The following BICD1 variants were observed in gnomAD, a reference collection of about 807,000 sequenced individuals.
BICD1 encodes protein bicaudal D homolog 1.
Under a neutral mutation model 92.5 loss-of-function variants are expected in BICD1, and 35 were observed. That is an observed-to-expected ratio of 0.38 (90% CI 0.29 to 0.50). BICD1 has a LOEUF of 0.50. BICD1 is among the 20% of genes least tolerant of loss of function. BICD1 has a pLI of 0.93. For missense variants in BICD1, 950 were observed against 1,189.8 expected, an observed-to-expected ratio of 0.80 and a Z score of 2.97; for synonymous variants, 429 against 465.1, an observed-to-expected ratio of 0.92 and a Z score of 1.00.
chr12:32,149,445 AT>A lies in BICD1; in HGVS notation c.213+41908del, dbSNP rs1592377611. ...TTCATATACATTATGGGGAAACCAT[AT>A]TTTTTTGAAGTCAAGAAATGTATAT... On this transcript the variant is annotated intron_variant, in intron 1 of 9. Transcript: ENST00000652176. 2.0e-5 allele frequency among the ~76,000 whole-genome samples: 3 copies of A among 152,230 alleles called. No homozygotes were observed. The East Asian group carries it at 5.8e-4, about 29-fold the overall frequency.
chr12:32,139,961 A>C (rs530991742), intron 1 of BICD1, among the ~76,000 whole-genome samples: 1 of 152,340 alleles, frequency 6.6e-6, no homozygotes, highest in East Asian at 1.9e-4. Flanking sequence ...GAGAAGCAGC[A>C]GAACCATCTG....
intron 1 of BICD1, among the ~76,000 whole-genome samples, chr12:32,194,667 AGGTTG>A (rs2121532616): frequency 6.6e-6 from 1 of 152,268 alleles, no homozygotes; most frequent in South Asian, 2.1e-4. Context: ...GGATCACATG[AGGTTG>A]GGATTTTGAG....
intron 1 of BICD1, among the ~76,000 whole-genome samples, chr12:32,147,123 A>G (rs1487329077): frequency 6.6e-6 from 1 of 151,900 alleles, no homozygotes; most frequent in Non-Finnish European, 1.5e-5. Context: ...TAATTTTTGT[A>G]GACATGGGAC....
In BICD1 at chr12:32,344,773, G is replaced by A. The variant is rs118141779; in HGVS notation, c.2764+5794G>A. Among the ~76,000 whole-genome samples the A allele has an allele frequency of 7.4e-3, 1,129 of 152,142 alleles. 15 individuals carry two copies. Among genetic ancestry groups the A allele is most frequent in the Admixed American group, 0.011 (174 of 15,274 alleles). On this transcript the variant is annotated intron_variant, in intron 8 of 9. Coordinates refer to ENST00000652176, the MANE Select transcript of BICD1 (RefSeq NM_001714.4). ...ATAATTTATATTTTTTCCTATAGAG[G>A]CTTTTCTATTTATGTGTATTCCACT...
At chr12:32,308,665 A>T (rs1948295457) in intron 4 of BICD1, among the ~76,000 whole-genome samples, 1 of 152,210 alleles carries the variant, frequency 6.6e-6, no homozygotes, top group Non-Finnish European at 1.5e-5. Context: ...TGGTAGGAAT[A>T]TAGAAAAATA....
intron 1 of BICD1, among the ~76,000 whole-genome samples, chr12:32,213,521 G>T (rs555961397): frequency 6.6e-6 from 1 of 152,020 alleles, no homozygotes; most frequent in South Asian, 2.1e-4. Flanking sequence ...TCAGCCTCCC[G>T]TGTAGCTGGG....
At position 32,234,606 on chromosome 12, in the gene BICD1, A is replaced by AAAG. The variant is rs1565606819; in HGVS notation, c.426+18149_426+18150insGAA. Among the ~76,000 whole-genome samples the AAAG allele has an allele frequency of 9.7e-4, 143 of 146,734 alleles. 1 individual carries two copies. The highest frequency in any genetic ancestry group is 3.4e-3 in the African/African-American group (133 of 39,078). ...AGCAAAACTCCGTCTCAAAAAAAAA[A>AAAG]AAAGAAAGAAAGAAAGAAAGAAAGA... On this transcript the variant is annotated intron_variant, in intron 2 of 9. Coordinates refer to ENST00000652176, the MANE Select transcript of BICD1 (RefSeq NM_001714.4).
chr12:32,227,133 A>AGGG (rs143887124), intron 2 of BICD1, among the ~76,000 whole-genome samples: 2 of 152,148 alleles, frequency 1.3e-5, no homozygotes, highest in African/African-American at 4.8e-5. Context: ...AAATAGAACA[A>AGGG]GGGGGGACAC....
Position 32,302,321 on chromosome 12 carries a change from C to T in BICD1, c.580-3376C>T, listed in dbSNP as rs143911265. 5.0e-3 allele frequency among the ~76,000 whole-genome samples: 766 copies of T among 152,258 alleles called. 5 individuals are homozygous for T. The highest frequency in any genetic ancestry group is 0.018 in the African/African-American group (728 of 41,546). Reference sequence around the variant, plus strand: ...GCCAAATAAAGCACATCTATAGGCTCGATGGTCTATGGGCACCCCTTGTGA... The same window carrying T: ...GCCAAATAAAGCACATCTATAGGCTTGATGGTCTATGGGCACCCCTTGTGA... On this transcript the variant is annotated intron_variant, in intron 3 of 9. Transcript: ENST00000652176.
intron 3 of BICD1, among the ~76,000 whole-genome samples, chr12:32,294,408 A>G (rs999359181): frequency 1.3e-5 from 2 of 152,112 alleles, no homozygotes; most frequent in Admixed American, 6.6e-5. Flanking sequence ...GTGTTCATTT[A>G]TTTCATAAGT....
chr12:32,315,714 CA>C (rs753219638), intron 4 of BICD1, among the ~76,000 whole-genome samples: 1 of 152,098 alleles, frequency 6.6e-6, no homozygotes, highest in Non-Finnish European at 1.5e-5. Context: ...TTTTATTTAA[CA>C]ATGGTGTTAA....
chr12:32,306,724 A>C (rs1948236619), intron 4 of BICD1, among the ~76,000 whole-genome samples: 1 of 151,698 alleles, frequency 6.6e-6, no homozygotes, highest in South Asian at 2.1e-4. Flanking sequence ...GACAGAAAAA[A>C]GTTCCTTGGG....
chr12:32,305,522 T>G (rs1948188177), intron 3 of BICD1, among the ~76,000 whole-genome samples, 175 bp from the exon 4 acceptor site: 1 of 151,726 alleles, frequency 6.6e-6, no homozygotes, highest in African/African-American at 2.4e-5. Context: ...TGGTATATAA[T>G]TTCTAAAGAA....
chr12:32,228,060 T>C (rs746028199), intron 2 of BICD1: 5 of 247,724 alleles, frequency 2.0e-5, no homozygotes, highest in Non-Finnish European at 3.5e-5. Flanking sequence ...CTTCTTGTCA[T>C]TGAATGTAAG....
chr12:32,368,323 C>T lies in BICD1; in HGVS notation c.2840+578C>T, dbSNP rs553156775. On this transcript the variant is annotated intron_variant, in intron 9 of 9. Transcript: ENST00000652176. ...AAGGCTGCAGCGAGCTATGATACCA[C>T]TGCACACCTGCCTGGTGAGTAAGAA... Among the ~76,000 whole-genome samples, 6 of 152,114 alleles carry T rather than the reference C, an allele frequency of 3.9e-5. No individual in the cohort carries two copies. In the South Asian group the frequency reaches 1.0e-3, roughly 26 times the overall value.
intron 1 of BICD1, among the ~76,000 whole-genome samples, chr12:32,173,479 G>A (rs1158030462): frequency 1.3e-5 from 2 of 152,182 alleles, no homozygotes; most frequent in African/African-American, 2.4e-5. Context: ...TGAGGTAAGC[G>A]TGATGTTCAC....
chr12:32,292,960 A>C (rs369010942), intron 2 of BICD1, among the ~76,000 whole-genome samples: 1 of 152,216 alleles, frequency 6.6e-6, no homozygotes, highest in Non-Finnish European at 1.5e-5. Flanking sequence ...ATTTTACTTA[A>C]TTGATTGATT....
At chr12:32,142,453 C>CCTATCTATCCTATCTAT (rs1942965133) in intron 1 of BICD1, among the ~76,000 whole-genome samples, 1 of 112,882 alleles carries the variant, frequency 8.9e-6, no homozygotes, top group Non-Finnish European at 1.7e-5. Context: ...ACCTATCTAT[C>CCTATCTATCCTATCTAT]CTATCTATCT....
At chr12:32,149,987 C>T (rs1041595588) in intron 1 of BICD1, among the ~76,000 whole-genome samples, 3 of 152,178 alleles carry the variant, frequency 2.0e-5, no homozygotes. Context: ...GGAGGCCTCA[C>T]AGTCATGGCA....
Sources: gnomAD v4.1 joint callset for allele counts (sites outside exome capture counted in the v4.1 genomes callset) on GRCh38, gnomAD v4.1.1 for gene constraint, MANE v1.5 for transcripts, NCBI Gene and HGNC (gene_info 2026-07-23, HGNC 2026-07-21) for gene names.